UGT2A2: variants seen among roughly 807,000 people sequenced by gnomAD.
UGT2A2 encodes UDP glucuronosyltransferase family 2 member A2, also known as UDP-glucuronosyltransferase 2A2.
In UGT2A2, 60 loss-of-function variants were observed where a neutral mutation model predicts 50.7. The observed-to-expected ratio is 1.18, with a 90% CI of 0.96 to 1.47. The LOEUF is 1.47. Among genes scored for constraint, UGT2A2 ranks in the 40% most tolerant of loss-of-function variants. The pLI is 0.00. For synonymous variants in UGT2A2, 242 were observed against 214.6 expected (o/e 1.13, Z -1.11); for missense variants, 762 against 634.0 (o/e 1.20, Z -2.17).
At chr4:69,599,140 C>G in intron 2 of UGT2A2, 106 bp downstream of exon 2, 1 of 1,418,930 alleles carries the variant, frequency 7.0e-7, no homozygotes, top group East Asian at 2.6e-5. Flanking sequence ...GAGTAGCAAA[C>G]TGAAATGTCC....
rs1430831219 is a variant in UGT2A2, at chr4:69,607,100, C to A, written c.743-7706G>T. Among the ~76,000 whole-genome samples the A allele has an allele frequency of 1.2e-4, 17 of 138,852 alleles. 4 individuals carry two copies. Among genetic ancestry groups the A allele is most frequent in the African/African-American group, 4.6e-4 (16 of 35,102 alleles). The allele number at this position is 138,852 out of a possible 152,430, so 91.1% of individuals were successfully genotyped here. On this transcript the variant is annotated intron_variant, in intron 1 of 5. Coordinates refer to ENST00000604629, the MANE Select transcript of UGT2A2 (RefSeq NM_001105677.2). ...GTTCATATGGAACCAAAAAAGAGCC[C>A]GCATTGCCAAGTCAATCCTAAGCCA...
chr4:69,598,966 A>G (rs962184481), intron 2 of UGT2A2, among the ~76,000 whole-genome samples: 16 of 152,120 alleles, frequency 1.1e-4, no homozygotes, highest in Non-Finnish European at 2.2e-4. Context: ...AATTTCTATG[A>G]TCTGGTTTTC....
chr4:69,590,289 G>C (rs570945758), intron 5 of UGT2A2, among the ~76,000 whole-genome samples: 1 of 152,280 alleles, frequency 6.6e-6, no homozygotes, highest in South Asian at 2.1e-4. Context: ...CCTAGAATTA[G>C]AGCTCTAAAT....
chr4:69,614,019 A>G (rs900449685), intron 1 of UGT2A2, among the ~76,000 whole-genome samples: 1 of 152,072 alleles, frequency 6.6e-6, no homozygotes, highest in Non-Finnish European at 1.5e-5. Context: ...TTCAAATTAT[A>G]AAGAAAATAA....
In UGT2A2 at chr4:69,604,245, A is replaced by G. The variant is rs985457545; in HGVS notation, c.743-4851T>C. ...TGGCAGAAACTCTACAAGCCAGAAG[A>G]CAGTGGGGACCAATATTCACCATTC... On this transcript the variant is annotated intron_variant, in intron 1 of 5. Transcript: ENST00000604629. Among the ~76,000 whole-genome samples the G allele has an allele frequency of 5.9e-4, 81 of 137,320 alleles. 16 individuals are homozygous for G. The highest frequency in any genetic ancestry group is 1.1e-3 in the Non-Finnish European group (73 of 64,398). The allele number at this position is 137,320 out of a possible 152,430, so 90.1% of individuals were successfully genotyped here. A position where few individuals can be genotyped will look rare whatever the true frequency, so the allele number is the denominator to read the frequency against.
intron 5 of UGT2A2, 80 bp from the exon 6 acceptor site, chr4:69,589,731 G>A: frequency 5.9e-6 from 9 of 1,521,404 alleles, no homozygotes; most frequent in Non-Finnish European, 7.1e-6. Context: ...ATACACTTTT[G>A]CTCTACAAGT....
chr4:69,601,576 A>G (rs544389201), intron 1 of UGT2A2, among the ~76,000 whole-genome samples: 32 of 152,214 alleles, frequency 2.1e-4, no homozygotes, highest in African/African-American at 7.2e-4. Context: ...TATCACTATT[A>G]CCTGCATCAC....
chr4:69,638,810 T>A, intron 1 of UGT2A2, 89 bp downstream of exon 1: 13 of 1,416,634 alleles, frequency 9.2e-6, no homozygotes, highest in Non-Finnish European at 1.1e-5. Context: ...CAGCTCAGCA[T>A]ATGCAGTGGA....
intron 2 of UGT2A2, among the ~76,000 whole-genome samples, chr4:69,597,608 T>C (rs1719006054): frequency 6.6e-6 from 1 of 152,142 alleles, no homozygotes; most frequent in Non-Finnish European, 1.5e-5. Context: ...TGAAAATAGA[T>C]TGCTATTTTT....
chr4:69,604,601 C>T lies in UGT2A2; in HGVS notation c.743-5207G>A, dbSNP rs565270520. Among the ~76,000 whole-genome samples, 5 of 136,734 alleles carry T rather than the reference C, an allele frequency of 3.7e-5. 1 individual carries two copies. In the South Asian group the frequency reaches 1.2e-3, roughly 33 times the overall value. 89.7% of individuals were successfully genotyped at this position (136,734 alleles called of 152,430 possible). ...ACCTTAAACATAAATGGGCTAAATG[C>T]TCCAATTAAAAGACACAGACTGGCA... On this transcript the variant is annotated intron_variant, in intron 1 of 5. Coordinates refer to ENST00000604629, the MANE Select transcript of UGT2A2 (RefSeq NM_001105677.2).
At chr4:69,595,387 T>A (rs1718862918) in intron 3 of UGT2A2, 138 bp from the exon 4 acceptor site, 2 of 921,980 alleles carry the variant, frequency 2.2e-6, no homozygotes, top group Non-Finnish European at 1.6e-6. Context: ...AACGTTGAGA[T>A]ACGTAGTAGG....
chr4:69,589,714 A>C, intron 5 of UGT2A2, 63 bp from the exon 6 acceptor site: 17 of 1,553,190 alleles, frequency 1.1e-5, no homozygotes, highest in Non-Finnish European at 1.4e-5. Context: ...TTGAAGATAA[A>C]TATGTGATAC....
Position 69,589,085 on chromosome 4 carries a change from A to T in UGT2A2, c.*287T>A. ...AATAATTTGATACTATGAATAGAAC[A>T]TATTTAAAATTAGGTAGTATCCTTG... On this transcript the variant is annotated 3_prime_UTR_variant, in exon 6 of 6. Transcript: ENST00000604629. 1 of 247,704 alleles carries T rather than the reference A, an allele frequency of 4.0e-6. No homozygotes were observed. The highest frequency in any genetic ancestry group is 7.8e-6 in the Non-Finnish European group (1 of 129,028). 15.3% of individuals were successfully genotyped at this position (247,704 alleles called of 1,614,324 possible). A position where few individuals can be genotyped will look rare whatever the true frequency, so the allele number is the denominator to read the frequency against.
chr4:69,594,049 A>C (rs1718757864), intron 5 of UGT2A2, among the ~76,000 whole-genome samples: 1 of 140,556 alleles, frequency 7.1e-6, no homozygotes, highest in Non-Finnish European at 1.5e-5. Flanking sequence ...ATCTTGGCTC[A>C]CTGCAACCTC....
chr4:69,631,396 G>C (rs1721378315), intron 1 of UGT2A2, among the ~76,000 whole-genome samples: 1 of 151,908 alleles, frequency 6.6e-6, no homozygotes, highest in Non-Finnish European at 1.5e-5. Flanking sequence ...TAATCCAAAT[G>C]TTTAGAAAAA....
At chr4:69,632,705 GA>G (rs1721455014) in intron 1 of UGT2A2, among the ~76,000 whole-genome samples, 1 of 151,848 alleles carries the variant, frequency 6.6e-6, no homozygotes, top group Non-Finnish European at 1.5e-5. Flanking sequence ...CTGGCCAACA[GA>G]ATGAAACCCT....
Position 69,606,643 on chromosome 4 carries a change from C to A in UGT2A2, c.743-7249G>T, listed in dbSNP as rs1364274792. Among the ~76,000 whole-genome samples the A allele has an allele frequency of 4.4e-5, 6 of 136,850 alleles. 2 individuals carry two copies. Among genetic ancestry groups the A allele is most frequent in the African/African-American group, 8.9e-5 (3 of 33,760 alleles). The allele number at this position is 136,850 out of a possible 152,430, so 89.8% of individuals were successfully genotyped here. A position where few individuals can be genotyped will look rare whatever the true frequency, so the allele number is the denominator to read the frequency against. On this transcript the variant is annotated intron_variant, in intron 1 of 5. Transcript: ENST00000604629. ...GAGGAAGTCAAATTGTCCCTGTTTGCAGTTGACATGATTGTATATCTAGAA... is the reference window on the plus strand; with the variant it reads ...GAGGAAGTCAAATTGTCCCTGTTTGAAGTTGACATGATTGTATATCTAGAA...
intron 1 of UGT2A2, among the ~76,000 whole-genome samples, chr4:69,630,046 A>G (rs1359036968): frequency 1.3e-5 from 2 of 152,250 alleles, no homozygotes; most frequent in Non-Finnish European, 2.9e-5. Context: ...TTTATTTCTC[A>G]TATTTAAACG....
At chr4:69,602,928 C>T (rs905177005) in intron 1 of UGT2A2, among the ~76,000 whole-genome samples, 3 of 134,570 alleles carry the variant, frequency 2.2e-5, no homozygotes, top group Admixed American at 7.4e-5. Context: ...ATTAGCCGGG[C>T]GTGGTGGCAG....
Sources: allele counts gnomAD v4.1 joint callset (sites outside exome capture counted in the v4.1 genomes callset), GRCh38; gene constraint gnomAD v4.1.1; transcripts MANE v1.5; gene names NCBI Gene and HGNC (gene_info 2026-07-23, HGNC 2026-07-21).